The following PPM1G variants were observed in gnomAD, a reference collection of about 807,000 sequenced individuals.
The protein encoded by PPM1G is protein phosphatase, Mg2+/Mn2+ dependent 1G.
Under a neutral mutation model 59.4 loss-of-function variants are expected in PPM1G, and 12 were observed. That is an observed-to-expected ratio of 0.20 (90% CI 0.13 to 0.33). The LOEUF (loss-of-function observed/expected upper bound fraction) is 0.33. PPM1G is among the 10% of genes least tolerant of loss of function. PPM1G has a pLI of 1.00. For missense variants in PPM1G, 392 were observed against 681.3 expected (o/e 0.58, Z 4.73); for synonymous variants, 245 against 251.9 (o/e 0.97, Z 0.26).
rs747865877 is a variant in PPM1G at position 27,385,041 on chromosome 2, T to C, written c.457A>G (p.Ile153Val). Residue 153 changes from isoleucine to valine, a missense_variant, in exon 5 of 10, where the codon ATT (isoleucine) becomes GTT (valine). Ile to Val is a conservative substitution (Grantham distance 29, BLOSUM62 3). This residue lies in a region of PPM1G where 188 missense variants were observed against 248.8 expected (regional missense o/e 0.76). Coordinates refer to ENST00000344034, the MANE Select transcript of PPM1G (RefSeq NM_177983.3). This position sits in a 1 kb window ranked among gnomAD's most constrained non-coding sequence, Gnocchi z 4.1. ...CCGTAGCGTGTCAGCAGCTCTTCAA[T>C]AGTCATGGTAGCCTCTTCATGCAGC... ...ALLHEEATMT[I>V]EELLTRYGQN... The C allele has an allele frequency of 2.5e-6, 4 of 1,613,298 alleles. No individual in the cohort carries two copies. Among genetic ancestry groups the C allele is most frequent in the Admixed American group, 1.7e-5 (1 of 59,984 alleles).
intron 1 of PPM1G, among the ~76,000 whole-genome samples, chr2:27,391,031 A>C (rs1043012519): frequency 9.2e-5 from 14 of 152,244 alleles, no homozygotes; most frequent in African/African-American, 3.4e-4. Context: ...TAATGGGTGC[A>C]TAGTATTCCA....
chr2:27,387,496 G>A (rs573164105), intron 1 of PPM1G, among the ~76,000 whole-genome samples: 14 of 151,922 alleles, frequency 9.2e-5, no homozygotes, highest in Non-Finnish European at 2.1e-4. Flanking sequence ...CAGAATAAAG[G>A]ATTTTTTCTT....
At chr2:27,395,247 AAAAGAAAG>A (rs754734357) in intron 1 of PPM1G, among the ~76,000 whole-genome samples, 57 of 140,216 alleles carry the variant, frequency 4.1e-4, no homozygotes, top group African/African-American at 1.5e-3. Context: ...AAAAAAAAAA[AAAAGAAAG>A]AAAGAAAGAA....
rs1238705526 is a variant in PPM1G at position 27,409,566 on chromosome 2, G to A, written c.-144C>T. On this transcript the variant is annotated 5_prime_UTR_variant, in exon 1 of 10. Transcript: ENST00000344034. ...CCGGTGAAAGGCGCGAGGCCGGCCA[G>A]GAGGCGGTAACGGGACGGGAGCTGT... 5 of 1,107,722 alleles carry A rather than the reference G, an allele frequency of 4.5e-6. No homozygotes were observed. Among genetic ancestry groups the A allele is most frequent in the East Asian group, 3.4e-5 (1 of 29,792 alleles). 68.6% of individuals were successfully genotyped at this position (1,107,722 alleles called of 1,614,324 possible). A position where few individuals can be genotyped will look rare whatever the true frequency, so the allele number is the denominator to read the frequency against.
At chr2:27,389,633 T>C (rs571132048) in intron 1 of PPM1G, among the ~76,000 whole-genome samples, 15 of 152,328 alleles carry the variant, frequency 9.8e-5, no homozygotes, top group African/African-American at 3.6e-4. Context: ...AACTGATTTA[T>C]GCCTGAATCA....
At position 27,409,520 on chromosome 2, in the gene PPM1G, C is replaced by A; in HGVS notation, c.-98G>T. The A allele has an allele frequency of 2.3e-6, 3 of 1,320,062 alleles. No individual in the cohort carries two copies. Among genetic ancestry groups the A allele is most frequent in the Non-Finnish European group, 2.9e-6 (3 of 1,033,140 alleles). 81.8% of individuals were successfully genotyped at this position (1,320,062 alleles called of 1,614,324 possible). A position where few individuals can be genotyped will look rare whatever the true frequency, so the allele number is the denominator to read the frequency against. On this transcript the variant is annotated 5_prime_UTR_variant, in exon 1 of 10. Coordinates refer to ENST00000344034, the MANE Select transcript of PPM1G (RefSeq NM_177983.3). Reference sequence around the variant, plus strand: ...GTGCGCGCGGCAGGAGCAGGCCCCGCGGCGCGACCGACGCAAGGTGCCGGT... The same window carrying A: ...GTGCGCGCGGCAGGAGCAGGCCCCGAGGCGCGACCGACGCAAGGTGCCGGT...
chr2:27,406,851 A>G (rs1169380911), intron 1 of PPM1G, among the ~76,000 whole-genome samples: 3 of 151,936 alleles, frequency 2.0e-5, no homozygotes, highest in African/African-American at 7.2e-5. Flanking sequence ...GAGATGGAAT[A>G]TTCACCTCAA....
At chr2:27,399,386 A>C (rs1684130998) in intron 1 of PPM1G, among the ~76,000 whole-genome samples, 1 of 152,180 alleles carries the variant, frequency 6.6e-6, no homozygotes, top group Non-Finnish European at 1.5e-5. Context: ...AGATGTTCAA[A>C]CATAAGGCCT....
In PPM1G at chr2:27,387,176, T is replaced by C; in HGVS notation, c.121-18A>G. On this transcript the variant is annotated intron_variant, in intron 1 of 9. Transcript: ENST00000344034. ...TGAGCATCCTAGGAAAAGAAGAGCA[T>C]AATCGGCATGTCTCAAGGTCGAAGA... 6.3e-7 allele frequency: 1 copy of C among 1,597,162 alleles called. No individual in the cohort carries two copies. Among genetic ancestry groups the C allele is most frequent in the Non-Finnish European group, 8.6e-7 (1 of 1,164,670 alleles).
At chr2:27,404,751 C>T (rs373237181) in intron 1 of PPM1G, among the ~76,000 whole-genome samples, 6 of 151,280 alleles carry the variant, frequency 4.0e-5, no homozygotes, top group Admixed American at 2.0e-4. Flanking sequence ...GAGACCAACC[C>T]GGCCAACATA....
intron 9 of PPM1G, 139 bp downstream of exon 9, chr2:27,381,987 G>C: frequency 9.6e-7 from 1 of 1,036,558 alleles, no homozygotes; most frequent in South Asian, 1.5e-5. Context: ...AATGACAGAA[G>C]GTGGAACTTT....
intron 2 of PPM1G, chr2:27,386,866 AAGAT>A (rs1316194783): frequency 5.0e-6 from 2 of 398,996 alleles, no homozygotes; most frequent in Non-Finnish European, 8.9e-6. Context: ...AAAATAAAAA[AAGAT>A]AGAGGCTCTT....
At chr2:27,399,459 G>C (rs893419664) in intron 1 of PPM1G, among the ~76,000 whole-genome samples, 1 of 152,142 alleles carries the variant, frequency 6.6e-6, no homozygotes, top group Admixed American at 6.5e-5. Context: ...GATCCTTTGA[G>C]GTCAGGAGTT....
intron 1 of PPM1G, among the ~76,000 whole-genome samples, chr2:27,396,585 C>T (rs554029660): frequency 6.6e-6 from 1 of 151,894 alleles, no homozygotes; most frequent in Non-Finnish European, 1.5e-5. Flanking sequence ...GAGGCCGAGG[C>T]GGGCGGATCA....
intron 1 of PPM1G, chr2:27,393,202 A>C: frequency 6.5e-7 from 1 of 1,540,018 alleles, no homozygotes; most frequent in Non-Finnish European, 8.9e-7. Context: ...TGGTGAAGAA[A>C]GTATTTGGCA....
chr2:27,398,684 T>C lies in PPM1G; in HGVS notation c.120+10619A>G, dbSNP rs72860058. ...TAAAAATACAAAAATTAGCTGCGCA[T>C]GGTGGCATGTGCCTATAGTCCTAGC... On this transcript the variant is annotated intron_variant, in intron 1 of 9. Transcript: ENST00000344034. Among the ~76,000 whole-genome samples the C allele has an allele frequency of 6.6e-3, 995 of 151,412 alleles. 8 individuals are homozygous for C. The highest frequency in any genetic ancestry group is 0.023 in the African/African-American group (955 of 41,244).
chr2:27,400,580 C>A (rs980173305), intron 1 of PPM1G, among the ~76,000 whole-genome samples: 15 of 151,990 alleles, frequency 9.9e-5, no homozygotes, highest in Admixed American at 6.6e-4. Context: ...ACAGTAAGAC[C>A]CTGTCTCCAT....
intron 1 of PPM1G, among the ~76,000 whole-genome samples, chr2:27,407,908 G>A (rs1330333458): frequency 6.6e-6 from 1 of 152,036 alleles, no homozygotes; most frequent in Non-Finnish European, 1.5e-5. Context: ...TAAGCCAGGC[G>A]TGGTGGCACA....
chr2:27,395,724 A>G (rs1684036632), intron 1 of PPM1G, among the ~76,000 whole-genome samples: 1 of 151,996 alleles, frequency 6.6e-6, no homozygotes, highest in Non-Finnish European at 1.5e-5. Context: ...GCACACCTGC[A>G]GTCCCACCTA....
Sources: gnomAD v4.1 joint callset for allele counts (sites outside exome capture counted in the v4.1 genomes callset) on GRCh38, gnomAD v4.1.1 for gene constraint, gnomAD v4.1.1 regional missense constraint, Gnocchi (gnomAD v3.1) non-coding constraint, MANE v1.5 for transcripts, NCBI Gene and HGNC (gene_info 2026-07-23, HGNC 2026-07-21) for gene names.